Variants in F3 observed in about 807,000 individuals in gnomAD.
F3 encodes coagulation factor III, tissue factor, also known as tissue factor.
In F3, 18 loss-of-function variants were observed where a neutral mutation model predicts 33.5. That is an observed-to-expected ratio of 0.54 (90% CI 0.37 to 0.80). The LOEUF (loss-of-function observed/expected upper bound fraction) is 0.80. Ranked by LOEUF, F3 falls within the 30% of genes least tolerant of loss-of-function variation. The pLI is 0.00. For missense variants in F3, 353 were observed against 362.1 expected, an observed-to-expected ratio of 0.97 and a Z score of 0.20; for synonymous variants, 147 against 140.7, an observed-to-expected ratio of 1.05 and a Z score of -0.32.
At chr1:94,532,142 T>C (rs1453651988) in intron 5 of F3, among the ~76,000 whole-genome samples, 179 bp downstream of exon 5, 3 of 152,156 alleles carry the variant, frequency 2.0e-5, no homozygotes, top group Non-Finnish European at 4.4e-5. Context: ...AAAATCTTTT[T>C]TGTACCAAAG....
chr1:94,536,084 T>A lies in F3; in HGVS notation c.293A>T (p.Asp98Val). The A allele has an allele frequency of 6.2e-7, 1 of 1,614,176 alleles. No homozygotes were observed. The highest frequency in any genetic ancestry group is 8.5e-7 in the Non-Finnish European group (1 of 1,180,028). Reference sequence around the variant, plus strand: ...CCGTGCCAAGTACGTCTGCTTCACATCCTTCACAATCTCGTCGGTGAGGTC... The same window carrying A: ...CCGTGCCAAGTACGTCTGCTTCACAACCTTCACAATCTCGTCGGTGAGGTC... ...ECDLTDEIVK[D>V]VKQTYLARVF... Residue 98 changes from aspartate (D) to valine (V), a missense_variant, in exon 3 of 6, where the codon GAT (aspartate) becomes GTT (valine). Transcript: ENST00000334047.
chr1:94,534,835 C>CA (rs1052167556), intron 3 of F3, among the ~76,000 whole-genome samples: 2 of 151,914 alleles, frequency 1.3e-5, no homozygotes, highest in African/African-American at 4.8e-5. Context: ...AAGTAGCTTA[C>CA]AAAAAAACTC....
chr1:94,532,583 A>G (rs1482532501), intron 4 of F3, 103 bp from the exon 5 acceptor site: 5 of 1,239,886 alleles, frequency 4.0e-6, no homozygotes, highest in African/African-American at 1.5e-5. Flanking sequence ...AGCAAAGCCT[A>G]CAAGAACACA....
At chr1:94,538,970 C>G (rs183342864) in intron 2 of F3, among the ~76,000 whole-genome samples, 40 of 152,162 alleles carry the variant, frequency 2.6e-4, no homozygotes, top group African/African-American at 1.2e-4. Context: ...CAAGAACTTA[C>G]AGTTAACAAA....
chr1:94,533,344 T>G lies in F3; in HGVS notation c.413-76A>C, dbSNP rs557780442. 37 of 1,522,038 alleles carry G rather than the reference T, an allele frequency of 2.4e-5. No homozygotes were observed. In the African/African-American group the frequency reaches 4.8e-4, roughly 20 times the overall value. The allele number at this position is 1,522,038 out of a possible 1,614,324, so 94.3% of individuals were successfully genotyped here. A position where few individuals can be genotyped will look rare whatever the true frequency, so the allele number is the denominator to read the frequency against. On this transcript the variant is annotated intron_variant, in intron 3 of 5. Transcript: ENST00000334047. ...TCAAATCCTGTTTTGTTATCACAAT[T>G]GACAACTTAATTATCTCTCATATAA...
At chr1:94,531,454 AC>A (rs963191127) in intron 5 of F3, among the ~76,000 whole-genome samples, 2 of 151,992 alleles carry the variant, frequency 1.3e-5, no homozygotes, top group African/African-American at 4.8e-5. Flanking sequence ...GACACGTGCA[AC>A]CACACCCAGC....
Position 94,540,298 on chromosome 1 carries a change from C to A in F3, c.171G>T (p.Trp57Cys). The A allele has an allele frequency of 6.2e-7, 1 of 1,613,776 alleles. No individual in the cohort carries two copies. Among genetic ancestry groups the A allele is most frequent in the Non-Finnish European group, 8.5e-7 (1 of 1,179,830 alleles). Residue 57 changes from tryptophan to cysteine, a missense_variant, in exon 2 of 6, where the codon TGG (tryptophan) becomes TGT (cysteine). Coordinates refer to ENST00000334047, the MANE Select transcript of F3 (RefSeq NM_001993.5). Reference sequence around the variant, plus strand: ...AGACTTGATTGACGGGTTTGGGTTCCCACTCCAAAATTGTCTTGAAATTAG... The same window carrying A: ...AGACTTGATTGACGGGTTTGGGTTCACACTCCAAAATTGTCTTGAAATTAG... ...KSTNFKTILE[W>C]EPKPVNQVYT...
intron 3 of F3, 135 bp from the exon 4 acceptor site, chr1:94,533,403 C>T: frequency 9.3e-7 from 1 of 1,074,392 alleles, no homozygotes; most frequent in Admixed American, 2.9e-5. Context: ...CTGAAAGAAG[C>T]AGGCGTGGCG....
At chr1:94,534,617 A>G (rs1446102689) in intron 3 of F3, among the ~76,000 whole-genome samples, 2 of 152,168 alleles carry the variant, frequency 1.3e-5, no homozygotes, top group Non-Finnish European at 2.9e-5. Context: ...AGGTTCAAAA[A>G]TATGTAGGGC....
chr1:94,531,784 G>A (rs986843443), intron 5 of F3, among the ~76,000 whole-genome samples: 1 of 152,124 alleles, frequency 6.6e-6, no homozygotes, highest in Admixed American at 6.5e-5. Flanking sequence ...ATATGCACAT[G>A]CATGTACACA....
chr1:94,531,641 G>A (rs841693), intron 5 of F3, among the ~76,000 whole-genome samples: 151,170 of 152,320 alleles, frequency 0.99, 75,026 homozygotes, highest in Middle Eastern at 1. Context: ...TTCTTCACTG[G>A]AAGTACTCAG....
At chr1:94,539,276 G>A (rs1043404599) in intron 2 of F3, among the ~76,000 whole-genome samples, 1 of 150,988 alleles carries the variant, frequency 6.6e-6, no homozygotes, top group South Asian at 2.1e-4. Context: ...ATGCATGCAC[G>A]TATGCATGCA....
At chr1:94,534,669 C>G (rs564376370) in intron 3 of F3, among the ~76,000 whole-genome samples, 2 of 151,922 alleles carry the variant, frequency 1.3e-5, no homozygotes, top group African/African-American at 4.8e-5. Context: ...CTCGAGAAGC[C>G]GGATTTAACC....
Position 94,535,985 on chromosome 1 carries a change from T to A in F3, c.392A>T (p.Glu131Val), listed in dbSNP as rs1340379553. 2.5e-6 allele frequency: 4 copies of A among 1,614,070 alleles called. No individual in the cohort carries two copies. The African/African-American group carries it at 5.3e-5, about 22-fold the overall frequency. Residue 131 changes from glutamate (E) to valine (V), a missense_variant, in exon 3 of 6, where the codon GAG becomes GTG. By Grantham distance (121) the Glu-to-Val change is moderately radical. Transcript: ENST00000334047. ...AGEPLYENSP[E>V]FTPYLETNLG... is the part of the protein sequence containing the mutation. Reference sequence around the variant, plus strand: ...CTTACTCTCCAGGTAAGGTGTGAACTCTGGGGAGTTCTCATACAGAGGCTC... The same window carrying A: ...CTTACTCTCCAGGTAAGGTGTGAACACTGGGGAGTTCTCATACAGAGGCTC...
Position 94,541,699 on chromosome 1 carries a change from G to T in F3, c.-63C>A. 1 of 1,137,072 alleles carries T rather than the reference G, an allele frequency of 8.8e-7. No homozygotes were observed. 70.4% of individuals were successfully genotyped at this position (1,137,072 alleles called of 1,614,324 possible). ...GCGCCCGTGGGGCTGGGGAGGTTGG[G>T]CTGAAGGCGCCCTGGGCCGGCCAGA... On this transcript the variant is annotated 5_prime_UTR_variant, in exon 1 of 6. Coordinates refer to ENST00000334047, the MANE Select transcript of F3 (RefSeq NM_001993.5).
At chr1:94,538,774 G>C in intron 2 of F3, among the ~76,000 whole-genome samples, 1 of 152,206 alleles carries the variant, frequency 6.6e-6, no homozygotes, top group East Asian at 1.9e-4. Context: ...GTGGGCAGGA[G>C]AAGAGTGCAC....
rs533516524 is a variant in F3 at position 94,541,299 on chromosome 1, A to C, written c.100+238T>G. Reference sequence around the variant, plus strand: ...CAATTACTCGGACACCCCGAGCAAAACTCTCCAGCGGAAGGGGCAGCGGGG... The same window carrying C: ...CAATTACTCGGACACCCCGAGCAAACCTCTCCAGCGGAAGGGGCAGCGGGG... On this transcript the variant is annotated intron_variant, in intron 1 of 5. Transcript: ENST00000334047. Among the ~76,000 whole-genome samples, 3 of 152,130 alleles carry C rather than the reference A, an allele frequency of 2.0e-5. No homozygotes were observed. The East Asian group carries it at 5.8e-4, about 29-fold the overall frequency.
chr1:94,532,613 G>T, intron 4 of F3, 133 bp from the exon 5 acceptor site: 1 of 944,830 alleles, frequency 1.1e-6, no homozygotes, highest in Non-Finnish European at 1.6e-6. Flanking sequence ...TGAAGGATTA[G>T]AAGTGACTTC....
chr1:94,534,581 G>A lies in F3; in HGVS notation c.413-1313C>T, dbSNP rs188394819. 4.3e-3 allele frequency among the ~76,000 whole-genome samples: 656 copies of A among 152,206 alleles called. 2 individuals carry two copies. The highest frequency in any genetic ancestry group is 7.5e-3 in the Non-Finnish European group (510 of 68,024). On this transcript the variant is annotated intron_variant, in intron 3 of 5. Coordinates refer to ENST00000334047, the MANE Select transcript of F3 (RefSeq NM_001993.5). ...GGCTAGTGGCTACTATACTGAACAG[G>A]GTGGTAGCATAAACTACGATATTTT...
Sources: allele counts gnomAD v4.1 joint callset (sites outside exome capture counted in the v4.1 genomes callset), GRCh38; gene constraint gnomAD v4.1.1; transcripts MANE v1.5; gene names NCBI Gene and HGNC (gene_info 2026-07-23, HGNC 2026-07-21).